The following ABAT variants were observed in gnomAD, a reference collection of about 807,000 sequenced individuals.
ABAT encodes 4-aminobutyrate aminotransferase, mitochondrial.
A neutral mutation model predicts 64.6 loss-of-function variants in ABAT; 45 were observed. That is an observed-to-expected ratio of 0.70 (90% CI 0.55 to 0.89). The LOEUF (loss-of-function observed/expected upper bound fraction) is 0.89. ABAT is among the 40% of genes least tolerant of loss of function. ABAT has a pLI of 0.00. For synonymous variants in ABAT, 297 were observed against 250.5 expected, an observed-to-expected ratio of 1.19 and a Z score of -1.75; for missense variants, 633 against 658.4, an observed-to-expected ratio of 0.96 and a Z score of 0.42.
intron 1 of ABAT, among the ~76,000 whole-genome samples, chr16:8,689,160 A>G (rs191361931): frequency 1.7e-3 from 263 of 151,662 alleles, no homozygotes; most frequent in Non-Finnish European, 2.5e-3. Flanking sequence ...TTTGCCTTTC[A>G]TATTTATCTC....
At chr16:8,692,413 T>C (rs1433006306) in intron 1 of ABAT, among the ~76,000 whole-genome samples, 1 of 151,934 alleles carries the variant, frequency 6.6e-6, no homozygotes, top group Admixed American at 6.6e-5. Flanking sequence ...AGTAAATAAA[T>C]AAATAGAGTC....
intron 1 of ABAT, among the ~76,000 whole-genome samples, chr16:8,711,070 T>C (rs1018040230): frequency 6.6e-6 from 1 of 152,240 alleles, no homozygotes; most frequent in Non-Finnish European, 1.5e-5. Flanking sequence ...TTTCAATTTA[T>C]ATCAATGAGA....
intron 1 of ABAT, among the ~76,000 whole-genome samples, chr16:8,680,083 G>A (rs945795110): frequency 6.6e-6 from 1 of 151,710 alleles, no homozygotes; most frequent in African/African-American, 2.4e-5. Flanking sequence ...AGTCTTCCCC[G>A]ACCCTCCCCC....
intron 5 of ABAT, among the ~76,000 whole-genome samples, chr16:8,754,311 C>T (rs1489524931): frequency 6.6e-6 from 1 of 151,674 alleles, no homozygotes; most frequent in Non-Finnish European, 1.5e-5. Flanking sequence ...GCCATGATTA[C>T]ACCACTGCAC....
At chr16:8,692,050 C>T (rs138095298) in intron 1 of ABAT, among the ~76,000 whole-genome samples, 29 of 152,256 alleles carry the variant, frequency 1.9e-4, no homozygotes, top group African/African-American at 5.3e-4. Context: ...ACTTTCCTTC[C>T]AGTAGAGTGG....
At chr16:8,741,088 T>C (rs1197820197) in intron 2 of ABAT, among the ~76,000 whole-genome samples, 1 of 152,288 alleles carries the variant, frequency 6.6e-6, no homozygotes, top group Non-Finnish European at 1.5e-5. Context: ...TGGCTTGGCA[T>C]GGCCATTGAG....
intron 1 of ABAT, among the ~76,000 whole-genome samples, chr16:8,706,404 C>CAA (rs56329419): frequency 0.19 from 18,100 of 94,708 alleles, 2,180 homozygotes; most frequent in East Asian, 0.48. Flanking sequence ...GACCCTGTTT[C>CAA]AAAAAAAAAA....
At chr16:8,688,115 G>T (rs2057499432) in intron 1 of ABAT, among the ~76,000 whole-genome samples, 1 of 151,992 alleles carries the variant, frequency 6.6e-6, no homozygotes, top group Non-Finnish European at 1.5e-5. Context: ...TGTTGCCAAG[G>T]CTGGTCTCAA....
chr16:8,764,699 A>G lies in ABAT; in HGVS notation c.448-39A>G, dbSNP rs1567310484. On this transcript the variant is annotated intron_variant, in intron 7 of 15. Coordinates refer to ENST00000268251, the MANE Select transcript of ABAT (RefSeq NM_020686.6). The surrounding 1 kb of genome is among the most constrained non-coding windows in gnomAD (Gnocchi z 4.2). The stretch of plus-strand genomic sequence containing the variant: ...CAGGGGAAGCGGGAGGACAGGAGTC[A>G]TGATGAGCCTGGGCTCACGGCTATT... The G allele has an allele frequency of 1.9e-6, 3 of 1,582,178 alleles. No homozygotes were observed. The highest frequency in any genetic ancestry group is 2.2e-5 in the East Asian group (1 of 44,710).
chr16:8,689,105 G>A (rs947686841), intron 1 of ABAT, among the ~76,000 whole-genome samples: 7 of 150,194 alleles, frequency 4.7e-5, no homozygotes, highest in Non-Finnish European at 7.4e-5. Flanking sequence ...AAAGTTCAAC[G>A]TCATTTGTGT....
chr16:8,744,615 G>A (rs1403039321), intron 2 of ABAT, among the ~76,000 whole-genome samples: 1 of 152,062 alleles, frequency 6.6e-6, no homozygotes, highest in African/African-American at 2.4e-5. Context: ...TGATCCACCT[G>A]CCTGAACCTC....
intron 1 of ABAT, chr16:8,715,633 T>TAAAACAAAAAAAA: frequency 1.2e-5 from 1 of 81,530 alleles, no homozygotes; most frequent in African/African-American, 4.8e-5. Context: ...ACCCTGTCTC[T>TAAAACAAAAAAAA]AAAAAAAAAA....
At chr16:8,691,705 TG>T (rs1318140916) in intron 1 of ABAT, among the ~76,000 whole-genome samples, 2 of 57,692 alleles carry the variant, frequency 3.5e-5, no homozygotes, top group Non-Finnish European at 7.8e-5. Flanking sequence ...CCTCACAAAG[TG>T]CTGGGATTAC....
At chr16:8,736,083 C>T (rs1042746202) in intron 2 of ABAT, 18 of 461,814 alleles carry the variant, frequency 3.9e-5, no homozygotes, top group East Asian at 1.3e-4. Flanking sequence ...AACAAAGGCA[C>T]GTCTTACATG....
intron 2 of ABAT, among the ~76,000 whole-genome samples, chr16:8,744,248 G>A (rs1013652692): frequency 6.6e-6 from 1 of 152,118 alleles, no homozygotes; most frequent in Non-Finnish European, 1.5e-5. Context: ...GCATGATGCT[G>A]GCATGTGCTC....
chr16:8,756,449 T>G (rs1478223403), intron 5 of ABAT, among the ~76,000 whole-genome samples: 3 of 152,194 alleles, frequency 2.0e-5, no homozygotes, highest in African/African-American at 7.2e-5. Context: ...GTGTAGAACC[T>G]GCCGGTTTGT....
intron 15 of ABAT, chr16:8,780,248 A>C (rs1011735828): frequency 1.7e-5 from 3 of 176,262 alleles, no homozygotes; most frequent in Non-Finnish European, 3.7e-5. Context: ...GGGCCTGCAG[A>C]TCAGGCTTAG....
At chr16:8,706,124 C>T (rs1251991593) in intron 1 of ABAT, among the ~76,000 whole-genome samples, 1 of 152,074 alleles carries the variant, frequency 6.6e-6, no homozygotes, top group African/African-American at 2.4e-5. Flanking sequence ...AAAAGATACT[C>T]ATGCTGGCTG....
Position 8,781,356 on chromosome 16 carries a change from A to C in ABAT, c.1429A>C (p.Thr477Pro). The C allele has an allele frequency of 6.2e-7, 1 of 1,614,130 alleles. No homozygotes were observed. Residue 477 changes from threonine (T) to proline (P), a missense_variant, in exon 16 of 16, where the codon ACG (threonine) becomes CCG (proline). By Grantham distance (38) the Thr-to-Pro change is conservative (BLOSUM62 -1). Transcript: ENST00000268251. The surrounding 1 kb of genome is among the most constrained non-coding windows in gnomAD (Gnocchi z 4.5). ...TGACAAATCCATTCGTTTCCGTCCC[A>C]CGCTGGTCTTCAGGGATCACCACGC... is the stretch of plus-strand genomic sequence containing the variant. ...CGDKSIRFRP[T>P]LVFRDHHAHL...
Sources: gnomAD v4.1 joint callset for allele counts (sites outside exome capture counted in the v4.1 genomes callset) on GRCh38, gnomAD v4.1.1 for gene constraint, Gnocchi (gnomAD v3.1) non-coding constraint, MANE v1.5 for transcripts, NCBI Gene and HGNC (gene_info 2026-07-23, HGNC 2026-07-21) for gene names.